Variants in MRPL16 observed in about 807,000 individuals in gnomAD.
The protein encoded by MRPL16 is mitochondrial ribosomal protein L16.
Under a neutral mutation model 22.7 loss-of-function variants are expected in MRPL16, and 17 were observed. The observed-to-expected ratio is 0.75, with a 90% confidence interval of 0.51 to 1.12. MRPL16 has a LOEUF of 1.12. Among genes scored for constraint, MRPL16 ranks in the 50% most tolerant of loss-of-function variants. The pLI is 0.00. For missense variants in MRPL16, 316 were observed against 328.7 expected (o/e 0.96, Z 0.30); for synonymous variants, 103 against 112.8 (o/e 0.91, Z 0.55).
At chr11:59,809,296 A>G (rs890621095) in intron 2 of MRPL16, among the ~76,000 whole-genome samples, 2 of 151,750 alleles carry the variant, frequency 1.3e-5, no homozygotes, top group African/African-American at 4.9e-5. Flanking sequence ...AAAGAACATC[A>G]AAAGTTCAGG....
chr11:59,810,704 T>C lies in MRPL16; in HGVS notation c.-46A>G, dbSNP rs758155698. 2.5e-6 allele frequency: 4 copies of C among 1,611,834 alleles called. No homozygotes were observed. Among genetic ancestry groups the C allele is most frequent in the Non-Finnish European group, 3.4e-6 (4 of 1,178,496 alleles). On this transcript the variant is annotated 5_prime_UTR_variant, in exon 1 of 4. Transcript: ENST00000300151. ...GCGGAGCTCCCCCAGCGACTCCGGCTGTCTCCTGCACCCAGGTAAGCAGCG... is the reference window on the plus strand; with the variant it reads ...GCGGAGCTCCCCCAGCGACTCCGGCCGTCTCCTGCACCCAGGTAAGCAGCG...
chr11:59,810,242 C>G lies in MRPL16; in HGVS notation c.56-322G>C, dbSNP rs1866159129. Reference sequence around the variant, plus strand: ...CAGGCTGGTTTCAAACTACTGACCTCAAGTGATTCGCCCGCCTCGGCCTCC... The same window carrying G: ...CAGGCTGGTTTCAAACTACTGACCTGAAGTGATTCGCCCGCCTCGGCCTCC... On this transcript the variant is annotated intron_variant, in intron 1 of 3. Coordinates refer to ENST00000300151, the MANE Select transcript of MRPL16 (RefSeq NM_017840.4). 3.5e-6 allele frequency: 4 copies of G among 1,146,096 alleles called. No individual in the cohort carries two copies. The South Asian group carries it at 8.8e-5, about 25-fold the overall frequency. 71.0% of individuals were successfully genotyped at this position (1,146,096 alleles called of 1,614,324 possible).
chr11:59,806,707 A>G lies in MRPL16; in HGVS notation c.396T>C (p.Thr132=), dbSNP rs1424890491. Residue 132 remains threonine, a synonymous_variant, in exon 4 of 4, where the codon ACT becomes ACC. Coordinates refer to ENST00000300151, the MANE Select transcript of MRPL16 (RefSeq NM_017840.4). ...CCATGCGATGCCCAACACTTTTGCG[A>G]GTGATGGGCTTGAAAGGGGCTGGTA... ...WRVPAPFKPI[T]RKSVGHRMGG... 1 of 1,614,182 alleles carries G rather than the reference A, an allele frequency of 6.2e-7. No individual in the cohort carries two copies. The highest frequency in any genetic ancestry group is 1.1e-5 in the South Asian group (1 of 91,082).
chr11:59,806,843 A>C lies in MRPL16; in HGVS notation c.271-11T>G. The C allele has an allele frequency of 6.3e-7, 1 of 1,599,594 alleles. No individual in the cohort carries two copies. Among genetic ancestry groups the C allele is most frequent in the South Asian group, 1.1e-5 (1 of 90,640 alleles). ...GCCACCACCCAATGCCTAAAAGTGAATGGGAGAATTAGAAACACATGCGGA... is the reference window on the plus strand; with the variant it reads ...GCCACCACCCAATGCCTAAAAGTGACTGGGAGAATTAGAAACACATGCGGA... On this transcript the variant is annotated splice_polypyrimidine_tract_variant and intron_variant, in intron 3 of 3. Coordinates refer to ENST00000300151, the MANE Select transcript of MRPL16 (RefSeq NM_017840.4).
chr11:59,807,674 T>C, intron 3 of MRPL16, 27 bp downstream of exon 3: 3 of 1,598,750 alleles, frequency 1.9e-6, no homozygotes, highest in Middle Eastern at 1.7e-4. Context: ...TTCCATCCCA[T>C]TGCTGCTCGA....
At chr11:59,807,358 C>G (rs1402749065) in intron 3 of MRPL16, 1 of 189,400 alleles carries the variant, frequency 5.3e-6, no homozygotes, top group Non-Finnish European at 1.1e-5. Context: ...TTCATGGAAG[C>G]TACTCAACAA....
At position 59,806,817 on chromosome 11, in the gene MRPL16, A is replaced by G; in HGVS notation, c.286T>C (p.Tyr96His). 1.9e-6 allele frequency: 3 copies of G among 1,608,476 alleles called. 1 individual carries two copies. In the South Asian group the frequency reaches 3.3e-5, roughly 18 times the overall value. ...NFAILALGGGYLHWGHFEMMR... is the reference protein window; with the variant it reads ...NFAILALGGGHLHWGHFEMMR... Reference sequence around the variant, plus strand: ...ATTTCAAAGTGGCCCCAATGCAGGTAGCCACCACCCAATGCCTAAAAGTGA... The same window carrying G: ...ATTTCAAAGTGGCCCCAATGCAGGTGGCCACCACCCAATGCCTAAAAGTGA... The change falls in exon 4 of 4, where the codon TAC becomes CAC. Residue 96 changes from tyrosine to histidine, a missense_variant. By Grantham distance (83) the Tyr-to-His change is moderately conservative. Transcript: ENST00000300151.
chr11:59,809,782 T>C, intron 2 of MRPL16, 73 bp downstream of exon 2: 3 of 1,322,062 alleles, frequency 2.3e-6, no homozygotes, highest in Non-Finnish European at 3.2e-6. Flanking sequence ...AGAACATTCC[T>C]ATGTCATCTC....
chr11:59,810,349 G>C, intron 1 of MRPL16: 1 of 1,356,224 alleles, frequency 7.4e-7, no homozygotes. Flanking sequence ...TGTGGGATGC[G>C]GATTCCACTA....
intron 2 of MRPL16, among the ~76,000 whole-genome samples, chr11:59,809,292 C>T (rs1000040802): frequency 6.6e-6 from 1 of 151,718 alleles, no homozygotes; most frequent in African/African-American, 2.4e-5. Flanking sequence ...TTGGAAAGAA[C>T]ATCAAAAGTT....
rs372838271 is a variant in MRPL16 at position 59,810,659 on chromosome 11, G to T, written c.-1C>A. ...TAGCGCGAGCCAGCAGCCTCCACAT[G>T]GTCACGGGCGTCCGGCGGCGCGGAG... On this transcript the variant is annotated 5_prime_UTR_variant, in exon 1 of 4. Coordinates refer to ENST00000300151, the MANE Select transcript of MRPL16 (RefSeq NM_017840.4). 5 of 1,613,862 alleles carry T rather than the reference G, an allele frequency of 3.1e-6. No homozygotes were observed. In the African/African-American group the frequency reaches 6.7e-5, roughly 22 times the overall value.
At chr11:59,810,335 G>A (rs1469443360) in intron 1 of MRPL16, 4 of 1,345,172 alleles carry the variant, frequency 3.0e-6, no homozygotes, top group Non-Finnish European at 3.8e-6. Flanking sequence ...GAGGAGTCTT[G>A]AGGTGTGGGA....
At chr11:59,809,635 C>T (rs745433360) in intron 2 of MRPL16, 29 of 524,946 alleles carry the variant, frequency 5.5e-5, no homozygotes, top group African/African-American at 5.3e-4. Context: ...TCTCATTAGA[C>T]GCTGCTCCGT....
Position 59,806,725 on chromosome 11 carries a change from G to A in MRPL16, c.378C>T (p.Ala126=). ...TTTTGCGAGTGATGGGCTTGAAAGG[G>A]GCTGGTACTCGCCATATGGCAAACA... ...KNMFAIWRVP[A]PFKPITRKSV... is the part of the protein sequence containing the mutation. Residue 126 remains alanine, a synonymous_variant, in exon 4 of 4, where the codon GCC becomes GCT. Coordinates refer to ENST00000300151, the MANE Select transcript of MRPL16 (RefSeq NM_017840.4). The A allele has an allele frequency of 6.2e-7, 1 of 1,614,206 alleles. No individual in the cohort carries two copies. The highest frequency in any genetic ancestry group is 8.5e-7 in the Non-Finnish European group (1 of 1,180,048).
chr11:59,806,459 A>G lies in MRPL16; in HGVS notation c.644T>C (p.Phe215Ser). 1 of 1,614,218 alleles carries G rather than the reference A, an allele frequency of 6.2e-7. No individual in the cohort carries two copies. The highest frequency in any genetic ancestry group is 8.5e-7 in the Non-Finnish European group (1 of 1,180,050). The change falls in exon 4 of 4, where the codon TTT becomes TCT. Residue 215 changes from phenylalanine to serine, a missense_variant. Physicochemically the swap from Phe to Ser is radical, Grantham distance 155. Transcript: ENST00000300151. ...CATGTTGGCAGTGGCTATTCGCTCA[A>G]ATGTCCAGGGGTTCTGGTTGTTACG... ...RERNNQNPWT[F>S]ERIATANMLG...
intron 3 of MRPL16, 145 bp downstream of exon 3, chr11:59,807,556 G>A (rs1323244958): frequency 1.9e-5 from 14 of 720,346 alleles, no homozygotes; most frequent in Non-Finnish European, 2.5e-5. Flanking sequence ...GTACCCAGTA[G>A]CCTCTGTACA....
At position 59,810,749 on chromosome 11, in the gene MRPL16, T is replaced by A. The variant is rs984804802; in HGVS notation, c.-91A>T. 1 of 1,478,624 alleles carries A rather than the reference T, an allele frequency of 6.8e-7. No homozygotes were observed. The highest frequency in any genetic ancestry group is 1.7e-5 in the Admixed American group (1 of 58,296). 91.6% of individuals were successfully genotyped at this position (1,478,624 alleles called of 1,614,324 possible). On this transcript the variant is annotated 5_prime_UTR_variant, in exon 1 of 4. Transcript: ENST00000300151. ...GCAGCGGCGCTCCACTACCTAGCTGTAATCGGCTCAGGACACCGCTCAGTG... is the reference window on the plus strand; with the variant it reads ...GCAGCGGCGCTCCACTACCTAGCTGAAATCGGCTCAGGACACCGCTCAGTG...
Position 59,810,701 on chromosome 11 carries a change from G to C in MRPL16, c.-43C>G, listed in dbSNP as rs779062755. 6.2e-7 allele frequency: 1 copy of C among 1,612,218 alleles called. No homozygotes were observed. On this transcript the variant is annotated 5_prime_UTR_variant, in exon 1 of 4. Coordinates refer to ENST00000300151, the MANE Select transcript of MRPL16 (RefSeq NM_017840.4). ...GGCGCGGAGCTCCCCCAGCGACTCC[G>C]GCTGTCTCCTGCACCCAGGTAAGCA...
Position 59,809,923 on chromosome 11 carries a change from A to G in MRPL16, c.56-3T>C. 4 of 1,612,222 alleles carry G rather than the reference A, an allele frequency of 2.5e-6. No homozygotes were observed. Among genetic ancestry groups the G allele is most frequent in the Non-Finnish European group, 3.4e-6 (4 of 1,179,388 alleles). On this transcript the variant is annotated splice_region_variant and splice_polypyrimidine_tract_variant and intron_variant, in intron 1 of 3. Coordinates refer to ENST00000300151, the MANE Select transcript of MRPL16 (RefSeq NM_017840.4). ...GGCGGGGAGGAGTGCCCAGGAATCT[A>G]CAAAGACAAATCAAGTTAAACGACG...
Sources: gnomAD v4.1 joint callset for allele counts (sites outside exome capture counted in the v4.1 genomes callset) on GRCh38, gnomAD v4.1.1 for gene constraint, MANE v1.5 for transcripts, NCBI Gene and HGNC (gene_info 2026-07-23, HGNC 2026-07-21) for gene names.